Variants in ADGRB3 observed in about 807,000 individuals in gnomAD.
ADGRB3 encodes brain-specific angiogenesis inhibitor 3.
In ADGRB3, 37 loss-of-function variants were observed where a neutral mutation model predicts 193.4. The observed-to-expected ratio is 0.19, with a 90% confidence interval of 0.15 to 0.25. The LOEUF is 0.25. Among genes scored for constraint, ADGRB3 ranks in the 10% least tolerant of loss-of-function variants. The probability of loss-of-function intolerance (pLI) is 1.00; values close to 1 mark genes in which losing one functional copy is unlikely to be tolerated. For synonymous variants in ADGRB3, 690 were observed against 644.2 expected, an observed-to-expected ratio of 1.07 and a Z score of -1.08; for missense variants, 1,637 against 1,852.9, an observed-to-expected ratio of 0.88 and a Z score of 2.14.
chr6:69,375,387 G>A (rs1769794380), intron 30 of ADGRB3, among the ~76,000 whole-genome samples: 1 of 152,016 alleles, frequency 6.6e-6, no homozygotes, highest in South Asian at 2.1e-4. Flanking sequence ...GGTAGGAAGA[G>A]AAAGCAAAGA....
intron 17 of ADGRB3, among the ~76,000 whole-genome samples, chr6:69,217,034 T>C (rs1322793004): frequency 6.6e-6 from 1 of 152,190 alleles, no homozygotes; most frequent in African/African-American, 2.4e-5. Flanking sequence ...ATGATTCTTA[T>C]TCTTGAAGCA....
At chr6:68,892,679 A>G (rs942614412) in intron 3 of ADGRB3, among the ~76,000 whole-genome samples, 1 of 152,172 alleles carries the variant, frequency 6.6e-6, no homozygotes, top group Admixed American at 6.6e-5. Flanking sequence ...CTGGGTGTTG[A>G]TAAATACCAA....
At chr6:68,982,910 G>T (rs1280551917) in intron 10 of ADGRB3, among the ~76,000 whole-genome samples, 2 of 152,054 alleles carry the variant, frequency 1.3e-5, no homozygotes, top group East Asian at 1.9e-4. Flanking sequence ...AGGAGAAAAA[G>T]AAATGAATTA....
intron 17 of ADGRB3, among the ~76,000 whole-genome samples, chr6:69,077,441 A>G (rs1346262318): frequency 6.6e-6 from 1 of 151,838 alleles, no homozygotes; most frequent in Non-Finnish European, 1.5e-5. Flanking sequence ...ACTTAGTTTT[A>G]TTATTATTAT....
At chr6:69,261,646 A>T (rs1766931590) in intron 20 of ADGRB3, among the ~76,000 whole-genome samples, 2 of 152,178 alleles carry the variant, frequency 1.3e-5, no homozygotes, top group Non-Finnish European at 1.5e-5. Context: ...CTCTTGGGAT[A>T]GAATTATCTT....
Position 68,858,086 on chromosome 6 carries a change from C to T in ADGRB3, c.758-72473C>T, listed in dbSNP as rs115082106. ...TGTTGAACTGTGAGTTCTCCATTAA[C>T]CCTCTTTTGTAAATTGCCAAGTTTT... On this transcript the variant is annotated intron_variant, in intron 3 of 31. Coordinates refer to ENST00000370598, the MANE Select transcript of ADGRB3 (RefSeq NM_001704.3). Among the ~76,000 whole-genome samples, 1,497 of 152,290 alleles carry T rather than the reference C, an allele frequency of 9.8e-3. 24 individuals are homozygous for T. Among genetic ancestry groups the T allele is most frequent in the African/African-American group, 0.034 (1,430 of 41,552 alleles).
intron 17 of ADGRB3, among the ~76,000 whole-genome samples, chr6:69,173,266 G>GAC (rs1775334850): frequency 6.6e-6 from 1 of 152,202 alleles, no homozygotes; most frequent in Admixed American, 6.5e-5. Flanking sequence ...TCGAACTCCT[G>GAC]ACCTCAGGTG....
intron 3 of ADGRB3, among the ~76,000 whole-genome samples, chr6:68,729,026 CA>C (rs1294353144): frequency 5.3e-5 from 8 of 151,282 alleles, no homozygotes; most frequent in African/African-American, 1.7e-4. Context: ...CTAACATAGG[CA>C]AAGAAATTAG....
intron 20 of ADGRB3, among the ~76,000 whole-genome samples, chr6:69,308,146 T>A (rs1194649963): frequency 1.3e-5 from 2 of 151,462 alleles, no homozygotes; most frequent in Admixed American, 6.6e-5. Flanking sequence ...ACAAAGGAAA[T>A]GAGACCTGGA....
chr6:68,754,981 T>C (rs899336342), intron 3 of ADGRB3, among the ~76,000 whole-genome samples: 2 of 152,126 alleles, frequency 1.3e-5, no homozygotes, highest in Admixed American at 1.3e-4. Context: ...AGGAATATAC[T>C]GAGAACTTGG....
chr6:68,880,473 C>CT (rs954906014), intron 3 of ADGRB3, among the ~76,000 whole-genome samples: 18 of 152,082 alleles, frequency 1.2e-4, no homozygotes, highest in African/African-American at 3.6e-4. Context: ...AAAAAATTAC[C>CT]TTTTTTGCCA....
chr6:69,266,252 G>A (rs1767037753), intron 20 of ADGRB3, among the ~76,000 whole-genome samples: 1 of 151,946 alleles, frequency 6.6e-6, no homozygotes, highest in African/African-American at 2.4e-5. Flanking sequence ...GATGTAGGGT[G>A]TTAATTATCT....
chr6:68,949,481 A>C (rs572303275), intron 6 of ADGRB3, among the ~76,000 whole-genome samples: 54 of 152,340 alleles, frequency 3.5e-4, no homozygotes, highest in African/African-American at 1.3e-3. Flanking sequence ...GAGAGGCTTC[A>C]GTCTGCTATG....
At chr6:68,765,510 C>T (rs987037770) in intron 3 of ADGRB3, among the ~76,000 whole-genome samples, 2 of 148,358 alleles carry the variant, frequency 1.3e-5, no homozygotes, top group Non-Finnish European at 3.0e-5. Flanking sequence ...TTGCAAAAAC[C>T]TTTCTTGTCC....
intron 4 of ADGRB3, among the ~76,000 whole-genome samples, chr6:68,932,794 A>G (rs1222875240): frequency 1.3e-5 from 2 of 151,540 alleles, no homozygotes; most frequent in African/African-American, 2.4e-5. Flanking sequence ...AGGCAAAAAC[A>G]TACATTTAAA....
intron 17 of ADGRB3, among the ~76,000 whole-genome samples, chr6:69,144,876 GTTCTTTCTTTCT>G (rs1274168235): frequency 2.9e-5 from 4 of 139,336 alleles, no homozygotes; most frequent in Non-Finnish European, 4.6e-5. Flanking sequence ...TTGTTTGAGT[GTTCTTTCTTTCT>G]TTCTTTCTTT....
chr6:69,205,881 T>C (rs1258902269), intron 17 of ADGRB3, among the ~76,000 whole-genome samples: 1 of 150,862 alleles, frequency 6.6e-6, no homozygotes, highest in Non-Finnish European at 1.5e-5. Context: ...AAATTTCTGA[T>C]CTCAAAGGAT....
chr6:69,047,588 T>A (rs1040231130), intron 13 of ADGRB3, among the ~76,000 whole-genome samples: 2 of 151,950 alleles, frequency 1.3e-5, no homozygotes, highest in African/African-American at 4.8e-5. Context: ...ATCTATTTGA[T>A]CACTATTTCT....
intron 13 of ADGRB3, among the ~76,000 whole-genome samples, chr6:69,043,137 T>G (rs1054394350): frequency 6.6e-6 from 1 of 152,072 alleles, no homozygotes; most frequent in African/African-American, 2.4e-5. Context: ...CAAGATATTT[T>G]TTTAACCTGG....
Sources: allele counts gnomAD v4.1 joint callset (sites outside exome capture counted in the v4.1 genomes callset), GRCh38; gene constraint gnomAD v4.1.1; transcripts MANE v1.5; gene names NCBI Gene and HGNC (gene_info 2026-07-23, HGNC 2026-07-21).